CDC42BPA: variants seen among roughly 807,000 people sequenced by gnomAD.
The protein encoded by CDC42BPA is CDC42 binding protein kinase alpha, also known as serine/threonine-protein kinase MRCK alpha.
A neutral mutation model predicts 223.5 loss-of-function variants in CDC42BPA; 80 were observed. The observed-to-expected ratio is 0.36, with a 90% CI of 0.30 to 0.43. The LOEUF is 0.43. Among genes scored for constraint, CDC42BPA ranks in the 20% least tolerant of loss-of-function variants. The pLI, the probability that CDC42BPA is intolerant of heterozygous loss-of-function variation, is 1.00. For synonymous variants in CDC42BPA, 694 were observed against 718.6 expected, an observed-to-expected ratio of 0.97 and a Z score of 0.55; for missense variants, 1,743 against 2,099.9, an observed-to-expected ratio of 0.83 and a Z score of 3.32.
At chr1:227,155,769 G>T (rs529115812) in intron 6 of CDC42BPA, among the ~76,000 whole-genome samples, 1 of 152,084 alleles carries the variant, frequency 6.6e-6, no homozygotes, top group African/African-American at 2.4e-5. Flanking sequence ...ACTATGACAC[G>T]ACGATGAGTA....
chr1:227,186,054 T>C (rs902248705), intron 5 of CDC42BPA, among the ~76,000 whole-genome samples: 1 of 152,240 alleles, frequency 6.6e-6, no homozygotes. Context: ...AACTTGGCAG[T>C]TTAAAAACCC....
chr1:227,178,108 T>C (rs1471930110), intron 5 of CDC42BPA, among the ~76,000 whole-genome samples: 1 of 152,224 alleles, frequency 6.6e-6, no homozygotes, highest in African/African-American at 2.4e-5. Flanking sequence ...TTAAAGTCTT[T>C]GTCCAATAAT....
At chr1:227,059,399 A>G in intron 21 of CDC42BPA, 2 of 1,563,902 alleles carry the variant, frequency 1.3e-6, no homozygotes, top group Non-Finnish European at 1.7e-6. Context: ...GCTGGAGTAC[A>G]GGATGGAGAG....
In CDC42BPA at chr1:227,196,586, G is replaced by A. The variant is rs59420393; in HGVS notation, c.451-2652C>T. 1.0e-2 allele frequency among the ~76,000 whole-genome samples: 1,516 copies of A among 151,924 alleles called. 27 individuals are homozygous for A. Among genetic ancestry groups the A allele is most frequent in the African/African-American group, 0.034 (1,391 of 41,444 alleles). On this transcript the variant is annotated intron_variant, in intron 4 of 36. Transcript: ENST00000366766. The stretch of plus-strand genomic sequence containing the variant: ...GATCTCCTGACCTCATGATCCGCCC[G>A]CCTTGGCCTCCCAAAGTGCTGGGAT...
rs113514161 is a variant in CDC42BPA at position 227,244,885 on chromosome 1, G to A, written c.270+9179C>T. Among the ~76,000 whole-genome samples, 839 of 152,332 alleles carry A rather than the reference G, an allele frequency of 5.5e-3. 8 individuals are homozygous for A. Among genetic ancestry groups the A allele is most frequent in the African/African-American group, 0.019 (795 of 41,564 alleles). ...AGAATATACTTCAGGGAGGGAAAGC[G>A]CAGAGACTCAGTGCTGCCCTGTCAC... On this transcript the variant is annotated intron_variant, in intron 2 of 36. Transcript: ENST00000366766.
chr1:227,316,378 A>G (rs1694390226), intron 1 of CDC42BPA, among the ~76,000 whole-genome samples: 2 of 152,222 alleles, frequency 1.3e-5, no homozygotes, highest in African/African-American at 2.4e-5. Context: ...TTAACTTTCG[A>G]GTAAAATCTA....
intron 5 of CDC42BPA, among the ~76,000 whole-genome samples, chr1:227,175,853 G>A (rs1351573073): frequency 6.6e-6 from 1 of 152,154 alleles, no homozygotes; most frequent in Non-Finnish European, 1.5e-5. Flanking sequence ...CCCTGCAGTA[G>A]GAAATCGTAT....
chr1:227,264,951 C>A (rs774357737), intron 1 of CDC42BPA: 58 of 1,064,400 alleles, frequency 5.4e-5, no homozygotes, highest in African/African-American at 7.8e-5. Flanking sequence ...ATTATCTCTT[C>A]CTCTTCTTGT....
chr1:227,196,338 C>CTTTTTTTTTTTTTTTTTTTTTTT (rs34352900), intron 4 of CDC42BPA, among the ~76,000 whole-genome samples: 14 of 92,354 alleles, frequency 1.5e-4, no homozygotes, highest in African/African-American at 4.7e-4. Flanking sequence ...TTAAACAATA[C>CTTTTTTTTTTTTTTTTTTTTTTT]TTTTTTTTTT....
intron 5 of CDC42BPA, among the ~76,000 whole-genome samples, chr1:227,166,028 A>G (rs1664975466): frequency 6.6e-6 from 1 of 152,216 alleles, no homozygotes; most frequent in Non-Finnish European, 1.5e-5. Flanking sequence ...GCAGTCCGCA[A>G]TATATTTTAG....
At chr1:227,304,405 CA>C (rs35882896) in intron 1 of CDC42BPA, among the ~76,000 whole-genome samples, 4 of 141,770 alleles carry the variant, frequency 2.8e-5, no homozygotes, top group Middle Eastern at 3.3e-3. Flanking sequence ...GATTCTATCT[CA>C]AAAAAAAAAC....
chr1:227,253,239 A>AG (rs1558875651), intron 2 of CDC42BPA, among the ~76,000 whole-genome samples: 3 of 142,276 alleles, frequency 2.1e-5, no homozygotes, highest in East Asian at 4.0e-4. Context: ...GGAGAGAGAG[A>AG]AAGAGAGCGA....
intron 11 of CDC42BPA, among the ~76,000 whole-genome samples, chr1:227,125,424 C>A (rs920001808): frequency 1.3e-5 from 2 of 151,658 alleles, no homozygotes; most frequent in Non-Finnish European, 2.9e-5. Flanking sequence ...CCAGCCCAGG[C>A]AACACAGCGA....
At chr1:227,116,714 C>T (rs1687833077) in intron 12 of CDC42BPA, among the ~76,000 whole-genome samples, 1 of 152,126 alleles carries the variant, frequency 6.6e-6, no homozygotes, top group Admixed American at 6.5e-5. Flanking sequence ...CAGCTGGTCC[C>T]TTTTGAACAA....
At chr1:227,043,504 CTCTA>C (rs1396342080) in intron 23 of CDC42BPA, among the ~76,000 whole-genome samples, 1 of 151,456 alleles carries the variant, frequency 6.6e-6, no homozygotes, top group Non-Finnish European at 1.5e-5. Flanking sequence ...AGATTCACTT[CTCTA>C]TCTTTTAAAA....
intron 8 of CDC42BPA, among the ~76,000 whole-genome samples, chr1:227,143,567 C>T (rs1571944098): frequency 6.6e-6 from 1 of 152,176 alleles, no homozygotes; most frequent in East Asian, 1.9e-4. Context: ...AAGCATAGTG[C>T]TGAAGCGCTG....
intron 2 of CDC42BPA, among the ~76,000 whole-genome samples, chr1:227,253,073 A>T (rs992538708): frequency 1.3e-5 from 2 of 152,190 alleles, no homozygotes; most frequent in African/African-American, 4.8e-5. Context: ...TAAATGGAAG[A>T]ATATACCACG....
At position 227,113,476 on chromosome 1, in the gene CDC42BPA, T is replaced by G. The variant is rs184810700; in HGVS notation, c.1648-563A>C. On this transcript the variant is annotated intron_variant, in intron 12 of 36. Coordinates refer to ENST00000366766, the MANE Select transcript of CDC42BPA (RefSeq NM_001394014.1). ...TTCACATATTAAGAACAAACAAGAATGAGCTCACAACCACAGATTCCAAAA... is the reference window on the plus strand; with the variant it reads ...TTCACATATTAAGAACAAACAAGAAGGAGCTCACAACCACAGATTCCAAAA... Among the ~76,000 whole-genome samples, 265 of 152,180 alleles carry G rather than the reference T, an allele frequency of 1.7e-3. 1 individual carries two copies. Among genetic ancestry groups the G allele is most frequent in the Middle Eastern group, 6.8e-3 (2 of 294 alleles).
chr1:227,154,034 T>C (rs1190493097), intron 6 of CDC42BPA, among the ~76,000 whole-genome samples: 7 of 151,892 alleles, frequency 4.6e-5, no homozygotes, highest in South Asian at 2.1e-4. Context: ...CTATATAAAA[T>C]AGTAGTAGAG....
Sources: allele counts gnomAD v4.1 joint callset (sites outside exome capture counted in the v4.1 genomes callset), GRCh38; gene constraint gnomAD v4.1.1; transcripts MANE v1.5; gene names NCBI Gene and HGNC (gene_info 2026-07-23, HGNC 2026-07-21).